ZFHX3: variants seen among roughly 807,000 people sequenced by gnomAD.
The protein encoded by ZFHX3 is zinc finger homeobox protein 3.
A neutral mutation model predicts 279.1 loss-of-function variants in ZFHX3; 42 were observed. That is an observed-to-expected ratio of 0.15 (90% CI 0.12 to 0.19). ZFHX3 has a LOEUF of 0.19. Among genes scored for constraint, ZFHX3 ranks in the 10% least tolerant of loss-of-function variants. The pLI, the probability that ZFHX3 is intolerant of heterozygous loss-of-function variation, is 1.00. For missense variants in ZFHX3, 4,981 were observed against 4,754.0 expected (o/e 1.05, Z -1.40); for synonymous variants, 2,293 against 1,957.8 (o/e 1.17, Z -4.52).
intron 3 of ZFHX3, chr16:73,402,300 A>G (rs1408976512): frequency 2.0e-5 from 3 of 152,234 alleles, no homozygotes; most frequent in African/African-American, 7.2e-5. Flanking sequence ...CCTCAGGTAA[A>G]CTTGAACGTC....
At chr16:73,156,156 C>A (rs745801900) in intron 5 of ZFHX3, among the ~76,000 whole-genome samples, 1 of 146,588 alleles carries the variant, frequency 6.8e-6, no homozygotes, top group Non-Finnish European at 1.5e-5. Context: ...GGTGTGAACC[C>A]GGGAGGCAGA....
chr16:73,588,551 G>A (rs997399184), intron 2 of ZFHX3, among the ~76,000 whole-genome samples: 1 of 151,832 alleles, frequency 6.6e-6, no homozygotes, highest in Non-Finnish European at 1.5e-5. Context: ...TTAGCCGGGT[G>A]TGGTGGTGGG....
intron 1 of ZFHX3, among the ~76,000 whole-genome samples, chr16:73,692,012 C>T (rs2053154112): frequency 6.6e-6 from 1 of 152,188 alleles, no homozygotes; most frequent in Non-Finnish European, 1.5e-5. Flanking sequence ...TACATCAGCA[C>T]ACCATGAACC....
intron 2 of ZFHX3, among the ~76,000 whole-genome samples, chr16:73,467,943 T>C (rs2018601150): frequency 6.6e-6 from 1 of 152,230 alleles, no homozygotes; most frequent in South Asian, 2.1e-4. Flanking sequence ...CTGTGGAATC[T>C]GTAATTTATC....
At chr16:73,053,700 C>T (rs141083635) in intron 1 of ZFHX3, among the ~76,000 whole-genome samples, 6 of 152,152 alleles carry the variant, frequency 3.9e-5, no homozygotes, top group African/African-American at 9.7e-5. Context: ...CACAGCCACG[C>T]GACCCTCAGC....
intron 8 of ZFHX3, among the ~76,000 whole-genome samples, chr16:73,070,082 T>C (rs1261325842): frequency 6.6e-6 from 1 of 152,154 alleles, no homozygotes; most frequent in African/African-American, 2.4e-5. Flanking sequence ...TGAGAATCCT[T>C]TCATACCATT....
At chr16:73,572,910 G>A (rs2051756695) in intron 2 of ZFHX3, among the ~76,000 whole-genome samples, 1 of 152,156 alleles carries the variant, frequency 6.6e-6, no homozygotes, top group African/African-American at 2.4e-5. Flanking sequence ...AATGCTCTCA[G>A]ATTAATTCCT....
intron 2 of ZFHX3, among the ~76,000 whole-genome samples, chr16:73,667,440 G>C (rs548215322): frequency 6.6e-6 from 1 of 152,180 alleles, no homozygotes; most frequent in African/African-American, 2.4e-5. Flanking sequence ...CCTAGGAGTA[G>C]GTTGGCTGGA....
At chr16:73,493,734 A>T (rs2019091128) in intron 2 of ZFHX3, among the ~76,000 whole-genome samples, 1 of 152,076 alleles carries the variant, frequency 6.6e-6, no homozygotes, top group Non-Finnish European at 1.5e-5. Flanking sequence ...GAAGACAGTG[A>T]ACTCAAAAAA....
intron 3 of ZFHX3, among the ~76,000 whole-genome samples, chr16:73,388,215 C>T (rs2016939965): frequency 6.6e-6 from 1 of 152,094 alleles, no homozygotes; most frequent in East Asian, 1.9e-4. Context: ...TTCTTGGATG[C>T]TTGAGGAAGT....
intron 1 of ZFHX3, among the ~76,000 whole-genome samples, chr16:73,857,847 C>T (rs1472192929): frequency 2.0e-5 from 3 of 152,202 alleles, no homozygotes; most frequent in African/African-American, 7.2e-5. Context: ...TGGCTCATGC[C>T]TATCATCCCA....
In ZFHX3 at chr16:73,592,464, A is replaced by G. The variant is rs1037560035; in HGVS notation, c.-1547+87716T>C. Among the ~76,000 whole-genome samples, 4 of 152,260 alleles carry G rather than the reference A, an allele frequency of 2.6e-5. No homozygotes were observed. The East Asian group carries it at 5.8e-4, about 22-fold the overall frequency. On this transcript the variant is annotated intron_variant, in intron 2 of 17. Transcript: ENST00000641206. ...TATGCTATTTCTTTTACTTTTATATATATTTATAAAGTTCCAAAATAAAGT... is the reference window on the plus strand; with the variant it reads ...TATGCTATTTCTTTTACTTTTATATGTATTTATAAAGTTCCAAAATAAAGT...
Position 73,870,353 on chromosome 16 carries a change from G to C in ZFHX3, c.-1608+21298C>G, listed in dbSNP as rs746891328. ...AAGCATTGCCTGCAGCCAATCCTGG[G>C]AATCACGAAGCGTCCGCCCCACATG... On this transcript the variant is annotated intron_variant, in intron 1 of 17. Coordinates refer to the ZFHX3 transcript ENST00000641206. Among the ~76,000 whole-genome samples, 101 of 152,174 alleles carry C rather than the reference G, an allele frequency of 6.6e-4. 1 individual carries two copies. The highest frequency in any genetic ancestry group is 1.8e-4 in the Non-Finnish European group (12 of 68,044).
chr16:73,710,173 G>C (rs539968954), intron 1 of ZFHX3, among the ~76,000 whole-genome samples: 5 of 152,242 alleles, frequency 3.3e-5, no homozygotes, highest in African/African-American at 9.6e-5. Context: ...GCAAAACTCT[G>C]TCTCAAAAAC....
chr16:72,800,204 A>G, intron 7 of ZFHX3, 75 bp from the exon 8 acceptor site: 1 of 1,303,504 alleles, frequency 7.7e-7, no homozygotes, highest in Non-Finnish European at 1.1e-6. Flanking sequence ...AAATTATTTA[A>G]TAAGCAAAAT....
At chr16:73,386,554 G>A (rs2016906381) in intron 3 of ZFHX3, among the ~76,000 whole-genome samples, 1 of 152,148 alleles carries the variant, frequency 6.6e-6, no homozygotes, top group Non-Finnish European at 1.5e-5. Context: ...TCCTGGAGGT[G>A]TTTGCATTTT....
intron 1 of ZFHX3, among the ~76,000 whole-genome samples, chr16:73,056,771 AT>A (rs1323541774): frequency 1.3e-5 from 2 of 152,202 alleles, no homozygotes; most frequent in East Asian, 3.9e-4. Context: ...TGCCCTATTG[AT>A]TATGCAGATT....
At chr16:73,703,003 G>C (rs986415146) in intron 1 of ZFHX3, among the ~76,000 whole-genome samples, 2 of 152,156 alleles carry the variant, frequency 1.3e-5, no homozygotes, top group Non-Finnish European at 2.9e-5. Context: ...CGATGGTGGT[G>C]ATAGTGAAAG....
intron 1 of ZFHX3, among the ~76,000 whole-genome samples, chr16:72,971,878 A>ATTTTTTTTTT (rs34508228): frequency 2.1e-5 from 2 of 95,464 alleles, no homozygotes; most frequent in Non-Finnish European, 4.0e-5. Context: ...CTGCCTATTA[A>ATTTTTTTTTT]TTTTTTTTTT....
Sources: allele counts gnomAD v4.1 joint callset (sites outside exome capture counted in the v4.1 genomes callset), GRCh38; gene constraint gnomAD v4.1.1; transcripts MANE v1.5; gene names NCBI Gene and HGNC (gene_info 2026-07-23, HGNC 2026-07-21).